PSEN2: variants seen among roughly 807,000 people sequenced by gnomAD.
PSEN2 encodes presenilin-2.
A neutral mutation model predicts 49.1 loss-of-function variants in PSEN2; 32 were observed. The observed-to-expected ratio is 0.65, with a 90% CI of 0.49 to 0.88. The LOEUF is 0.88. Ranked by LOEUF, PSEN2 falls within the 40% of genes least tolerant of loss-of-function variation. The pLI, the probability that PSEN2 is intolerant of heterozygous loss-of-function variation, is 0.00. For synonymous variants in PSEN2, 255 were observed against 244.0 expected, an observed-to-expected ratio of 1.05 and a Z score of -0.42; for missense variants, 522 against 586.9, an observed-to-expected ratio of 0.89 and a Z score of 1.14.
intron 5 of PSEN2, 28 bp downstream of exon 5, chr1:226,883,947 G>T: frequency 1.3e-6 from 2 of 1,514,148 alleles, no homozygotes; most frequent in Non-Finnish European, 9.1e-7. Context: ...GGGGAGCAGG[G>T]TGGGGTGAGG....
intron 3 of PSEN2, among the ~76,000 whole-genome samples, chr1:226,875,970 T>C (rs2073489): frequency 0.62 from 93,981 of 152,064 alleles, 29,465 homozygotes; most frequent in African/African-American, 0.71. Context: ...GTAGTCTATG[T>C]TGGACACTTC....
At chr1:226,881,826 A>T in intron 3 of PSEN2, 62 bp from the exon 4 acceptor site, 1 of 1,604,648 alleles carries the variant, frequency 6.2e-7, no homozygotes, top group Non-Finnish European at 8.5e-7. Flanking sequence ...CCACCCCCTG[A>T]GTCCTCCACT....
chr1:226,882,216 G>A (rs181533346), intron 4 of PSEN2, among the ~76,000 whole-genome samples, 168 bp downstream of exon 4: 47 of 152,342 alleles, frequency 3.1e-4, no homozygotes, highest in African/African-American at 1.1e-3. Context: ...CCATCTGCAG[G>A]GTTTCATAGG....
At position 226,885,678 on chromosome 1, in the gene PSEN2, A is replaced by C; in HGVS notation, c.497A>C (p.Lys166Thr). The C allele has an allele frequency of 6.2e-7, 1 of 1,607,024 alleles. No homozygotes were observed. The highest frequency in any genetic ancestry group is 8.5e-7 in the Non-Finnish European group (1 of 1,179,944). Residue 166 changes from lysine (K) to threonine (T), a missense_variant and splice_region_variant, in exon 6 of 13, where the codon AAG becomes ACG. Transcript: ENST00000366783. ...LVVLYKYRCY[K>T]FIHGWLIMSS... ...GTGCTCTACAAGTACCGCTGCTACA[A>C]GGTGAGGCCCTGGCCCTGCCCTCCA...
intron 11 of PSEN2, among the ~76,000 whole-genome samples, chr1:226,893,512 A>G (rs899437512): frequency 1.3e-5 from 2 of 152,348 alleles, no homozygotes; most frequent in East Asian, 1.9e-4. Flanking sequence ...TGGAAGCTCT[A>G]ATTTCCTGAT....
chr1:226,883,672 A>G (rs761909852), intron 4 of PSEN2, 33 bp from the exon 5 acceptor site: 5 of 1,602,798 alleles, frequency 3.1e-6, no homozygotes, highest in Non-Finnish European at 3.4e-6. Flanking sequence ...CGTGGGGGAC[A>G]TTCTGCGGCC....
intron 5 of PSEN2, chr1:226,884,700 G>A (rs556936832): frequency 6.6e-6 from 1 of 152,036 alleles, no homozygotes; most frequent in East Asian, 1.9e-4. Context: ...GATTATTTGA[G>A]CCCAGGAGTT....
At chr1:226,891,208 A>T in intron 9 of PSEN2, 70 bp from the exon 10 acceptor site, 1 of 1,383,748 alleles carries the variant, frequency 7.2e-7, no homozygotes, top group Non-Finnish European at 1.0e-6. Flanking sequence ...CAGACTGGCC[A>T]CCTCCCCCAG....
At chr1:226,884,649 C>T (rs1336989251) in intron 5 of PSEN2, 6 of 151,610 alleles carry the variant, frequency 4.0e-5, no homozygotes, top group Non-Finnish European at 8.8e-5. Flanking sequence ...TGTGGTGTCT[C>T]ATGCCTGTAA....
chr1:226,900,123 A>G (rs1321935581), downstream of PSEN2, among the ~76,000 whole-genome samples: 3 of 152,196 alleles, frequency 2.0e-5, no homozygotes, highest in Non-Finnish European at 4.4e-5. Context: ...TCACAAGCTG[A>G]TGTCTTCAAA....
At chr1:226,899,643 A>C (rs1662249551), downstream of PSEN2, 1 of 152,238 alleles carries the variant, frequency 6.6e-6, no homozygotes, top group Admixed American at 6.5e-5. Flanking sequence ...GGGAGTCAGT[A>C]AGGGTTAGGT....
downstream of PSEN2, among the ~76,000 whole-genome samples, chr1:226,900,340 A>G (rs957682078): frequency 1.3e-5 from 2 of 152,206 alleles, no homozygotes; most frequent in Non-Finnish European, 2.9e-5. Flanking sequence ...ACCAAGGATG[A>G]GGTGCAGATC....
chr1:226,874,917 ATG>A (rs1660539166), intron 2 of PSEN2, among the ~76,000 whole-genome samples: 1 of 152,058 alleles, frequency 6.6e-6, no homozygotes, highest in African/African-American at 2.4e-5. Flanking sequence ...TTAAAAATAA[ATG>A]TGTTTCTGGA....
chr1:226,877,993 A>G (rs932597304), intron 3 of PSEN2, among the ~76,000 whole-genome samples: 1 of 151,782 alleles, frequency 6.6e-6, no homozygotes, highest in African/African-American at 2.4e-5. Context: ...CTTTAACCCT[A>G]CCCTCCCCAG....
At chr1:226,893,542 T>A (rs1428998299) in intron 11 of PSEN2, among the ~76,000 whole-genome samples, 1 of 152,214 alleles carries the variant, frequency 6.6e-6, no homozygotes, top group Non-Finnish European at 1.5e-5. Flanking sequence ...GTAGACTAAT[T>A]CCCAGTTATA....
chr1:226,888,256 G>A (rs1370768540), intron 7 of PSEN2, 98 bp downstream of exon 7: 19 of 1,150,716 alleles, frequency 1.7e-5, no homozygotes, highest in South Asian at 4.9e-5. Flanking sequence ...GATGACCATC[G>A]AGCTCCAGTC....
At chr1:226,893,864 C>T (rs1661921096) in intron 11 of PSEN2, 143 bp from the exon 12 acceptor site, 7 of 738,858 alleles carry the variant, frequency 9.5e-6, no homozygotes, top group Admixed American at 1.9e-5. Context: ...GTCCATGTCC[C>T]CAGTCCACAT....
chr1:226,899,187 A>C (rs558317387), downstream of PSEN2: 8 of 152,292 alleles, frequency 5.3e-5, no homozygotes, highest in African/African-American at 1.9e-4. Context: ...ATCTTGTTTT[A>C]AGAGATCCTT....
chr1:226,896,513 GAC>G (rs1374549406), downstream of PSEN2, among the ~76,000 whole-genome samples: 1 of 152,096 alleles, frequency 6.6e-6, no homozygotes, highest in East Asian at 1.9e-4. Context: ...TGGGAGAGTG[GAC>G]AGTTTGGCTT....
Sources: gnomAD v4.1 joint callset for allele counts (sites outside exome capture counted in the v4.1 genomes callset) on GRCh38, gnomAD v4.1.1 for gene constraint, MANE v1.5 for transcripts, NCBI Gene and HGNC (gene_info 2026-07-23, HGNC 2026-07-21) for gene names.